The following PLCL1 variants were observed in gnomAD, a reference collection of about 807,000 sequenced individuals.
PLCL1 encodes the protein phospholipase C like 1 (inactive), also known as inactive phospholipase C-like protein 1.
Under a neutral mutation model 84.4 loss-of-function variants are expected in PLCL1, and 41 were observed. The observed-to-expected ratio is 0.49, with a 90% CI of 0.38 to 0.63. PLCL1 has a LOEUF of 0.63. Among genes scored for constraint, PLCL1 ranks in the 30% least tolerant of loss-of-function variants. PLCL1 has a pLI of 0.00. For missense variants in PLCL1, 1,206 were observed against 1,367.8 expected, an observed-to-expected ratio of 0.88 and a Z score of 1.87; for synonymous variants, 490 against 488.3, an observed-to-expected ratio of 1.00 and a Z score of -0.05.
intron 1 of PLCL1, among the ~76,000 whole-genome samples, chr2:197,922,031 T>G: frequency 6.9e-6 from 1 of 144,126 alleles, no homozygotes; most frequent in South Asian, 2.3e-4. Context: ...TTTATTTTTT[T>G]ATTGATAATT....
intron 1 of PLCL1, among the ~76,000 whole-genome samples, chr2:197,937,510 C>G (rs186404120): frequency 6.6e-6 from 1 of 151,912 alleles, no homozygotes; most frequent in Admixed American, 6.6e-5. Flanking sequence ...AAAATTATTC[C>G]TAAGTATTTT....
intron 1 of PLCL1, among the ~76,000 whole-genome samples, chr2:197,882,469 A>G (rs1022221715): frequency 2.0e-5 from 3 of 152,148 alleles, no homozygotes; most frequent in African/African-American, 7.2e-5. Context: ...TGTTTTCTAA[A>G]CATTTTTTAT....
At chr2:197,901,819 G>C (rs976503683) in intron 1 of PLCL1, among the ~76,000 whole-genome samples, 4 of 152,192 alleles carry the variant, frequency 2.6e-5, no homozygotes, top group Admixed American at 2.6e-4. Context: ...AATATGTCTT[G>C]AGAGGTTAGG....
At chr2:197,808,132 G>GT (rs1690518555) in intron 1 of PLCL1, among the ~76,000 whole-genome samples, 1 of 152,072 alleles carries the variant, frequency 6.6e-6, no homozygotes, top group Non-Finnish European at 1.5e-5. Flanking sequence ...ATTAAACTAA[G>GT]TTTTTTTAAA....
At position 197,820,244 on chromosome 2, in the gene PLCL1, C is replaced by A. The variant is rs185545879; in HGVS notation, c.240+14905C>A. ...TGGGCTTCTGACTCTTCAAAACTTA[C>A]ATGTCAGCAACCCCAAGTATTAGTT... On this transcript the variant is annotated intron_variant, in intron 1 of 5. Transcript: ENST00000428675. 4.4e-4 allele frequency among the ~76,000 whole-genome samples: 67 copies of A among 152,226 alleles called. 2 individuals are homozygous for A. The South Asian group carries it at 9.7e-3, about 22-fold the overall frequency.
Position 197,805,065 on chromosome 2 carries a change from C to G in PLCL1, c.-35C>G, listed in dbSNP as rs927289395. The stretch of plus-strand genomic sequence containing the variant: ...GGCTGGACTCCGCTGCCGGGCGTCC[C>G]GCTTTCCCCCGGGGAGCCCTAAACG... On this transcript the variant is annotated 5_prime_UTR_variant, in exon 1 of 6. Transcript: ENST00000428675. The surrounding 1 kb of genome is among the most constrained non-coding windows in gnomAD (Gnocchi z 4.0). 4.6e-5 allele frequency: 66 copies of G among 1,421,158 alleles called. No homozygotes were observed. Among genetic ancestry groups the G allele is most frequent in the Non-Finnish European group, 5.9e-5 (65 of 1,093,010 alleles). 88.0% of individuals were successfully genotyped at this position (1,421,158 alleles called of 1,614,324 possible). A position where few individuals can be genotyped will look rare whatever the true frequency, so the allele number is the denominator to read the frequency against.
intron 1 of PLCL1, among the ~76,000 whole-genome samples, chr2:198,055,294 CCTCTCTCT>C (rs772260935): frequency 1.8e-4 from 22 of 120,328 alleles, no homozygotes; most frequent in East Asian, 1.3e-3. Context: ...CTGGTCAAAG[CCTCTCTCT>C]CTCTCTCTCT....
At chr2:197,975,004 G>A (rs946941196) in intron 1 of PLCL1, among the ~76,000 whole-genome samples, 1 of 151,676 alleles carries the variant, frequency 6.6e-6, no homozygotes, top group South Asian at 2.1e-4. Context: ...AGCCGGGCGC[G>A]GTGGCGGGCA....
intron 1 of PLCL1, among the ~76,000 whole-genome samples, chr2:198,068,670 T>C (rs1011824009): frequency 6.6e-6 from 1 of 152,216 alleles, no homozygotes; most frequent in African/African-American, 2.4e-5. Context: ...GACAAATTGA[T>C]AGCCTAGAGA....
chr2:197,965,505 T>C lies in PLCL1; in HGVS notation c.241-118253T>C, dbSNP rs147506047. 2.0e-3 allele frequency among the ~76,000 whole-genome samples: 302 copies of C among 152,238 alleles called. 1 individual carries two copies. The highest frequency in any genetic ancestry group is 7.0e-3 in the African/African-American group (291 of 41,588). On this transcript the variant is annotated intron_variant, in intron 1 of 5. Coordinates refer to ENST00000428675, the MANE Select transcript of PLCL1 (RefSeq NM_006226.4). ...GATTGTTTTTAATCTTTTCAAAAAATCAGCTTTTAGTTTCATTGATCTTTT... is the reference window on the plus strand; with the variant it reads ...GATTGTTTTTAATCTTTTCAAAAAACCAGCTTTTAGTTTCATTGATCTTTT...
At chr2:198,015,813 T>A (rs1437540698) in intron 1 of PLCL1, among the ~76,000 whole-genome samples, 1 of 152,184 alleles carries the variant, frequency 6.6e-6, no homozygotes, top group Admixed American at 6.5e-5. Flanking sequence ...TGTTGCAGTA[T>A]GTTTAAAACA....
chr2:197,853,044 G>T lies in PLCL1; in HGVS notation c.240+47705G>T, dbSNP rs116467023. The stretch of plus-strand genomic sequence containing the variant: ...CATTTTCTCCTTTCTCCACTCCCTG[G>T]TGGCCACTATTCTGCTTTCTGTCTT... On this transcript the variant is annotated intron_variant, in intron 1 of 5. Transcript: ENST00000428675. Among the ~76,000 whole-genome samples the T allele has an allele frequency of 7.2e-3, 1,091 of 151,934 alleles. 13 individuals are homozygous for T. The highest frequency in any genetic ancestry group is 0.025 in the African/African-American group (1,043 of 41,430).
rs187587950 is a variant in PLCL1 at position 198,034,154 on chromosome 2, C to T, written c.241-49604C>T. On this transcript the variant is annotated intron_variant, in intron 1 of 5. Transcript: ENST00000428675. The stretch of plus-strand genomic sequence containing the variant: ...AAGCTATCCCTCCCCCTCCCCTCAC[C>T]CCACAACAGGCCCCGGTGTGTGATG... Among the ~76,000 whole-genome samples, 657 of 152,114 alleles carry T rather than the reference C, an allele frequency of 4.3e-3. 4 individuals are homozygous for T. Among genetic ancestry groups the T allele is most frequent in the Middle Eastern group, 0.017 (5 of 294 alleles).
At chr2:197,960,183 T>C (rs1396558582) in intron 1 of PLCL1, among the ~76,000 whole-genome samples, 6 of 151,996 alleles carry the variant, frequency 3.9e-5, no homozygotes, top group Non-Finnish European at 8.8e-5. Flanking sequence ...TTCTTTTTCA[T>C]AGGAGGTGAT....
At chr2:198,046,693 G>A (rs1012023568) in intron 1 of PLCL1, among the ~76,000 whole-genome samples, 5 of 151,918 alleles carry the variant, frequency 3.3e-5, no homozygotes, top group Non-Finnish European at 5.9e-5. Flanking sequence ...CAAAAAATTA[G>A]CCCGGTATGG....
intron 1 of PLCL1, among the ~76,000 whole-genome samples, chr2:197,899,189 T>C (rs747037188): frequency 2.1e-4 from 32 of 152,222 alleles, no homozygotes; most frequent in Non-Finnish European, 4.0e-4. Flanking sequence ...ATAATGATGC[T>C]AGTGATTAAG....
intron 1 of PLCL1, among the ~76,000 whole-genome samples, chr2:197,982,039 CTTAAGT>C (rs1253033352): frequency 6.6e-6 from 1 of 151,280 alleles, no homozygotes; most frequent in Non-Finnish European, 1.5e-5. Flanking sequence ...ATTTTATTGC[CTTAAGT>C]TTAATAGTTT....
chr2:197,922,753 C>T (rs1369958656), intron 1 of PLCL1, among the ~76,000 whole-genome samples: 8 of 117,856 alleles, frequency 6.8e-5, no homozygotes, highest in African/African-American at 1.5e-4. Context: ...ACCTCCCGGA[C>T]GGGGTGGCTG....
intron 1 of PLCL1, among the ~76,000 whole-genome samples, chr2:198,054,474 C>T (rs988919577): frequency 5.9e-5 from 9 of 152,160 alleles, no homozygotes; most frequent in Non-Finnish European, 1.3e-4. Context: ...AGTGTGTGGC[C>T]CAGAAGGGAA....
Sources: gnomAD v4.1 joint callset for allele counts (sites outside exome capture counted in the v4.1 genomes callset) on GRCh38, gnomAD v4.1.1 for gene constraint, Gnocchi (gnomAD v3.1) non-coding constraint, MANE v1.5 for transcripts, NCBI Gene and HGNC (gene_info 2026-07-23, HGNC 2026-07-21) for gene names.